Variants in NATD1 observed in about 807,000 individuals in gnomAD.
The protein encoded by NATD1 is protein NATD1.
Under a neutral mutation model 12.0 loss-of-function variants are expected in NATD1, and 9 were observed. The ratio of observed to expected loss-of-function variants is 0.75; its 90% confidence interval spans 0.45 to 1.30. The LOEUF (loss-of-function observed/expected upper bound fraction) is 1.30, where lower values mean the gene tolerates loss of function less well. Among genes scored for constraint, NATD1 ranks in the 50% most tolerant of loss-of-function variants. NATD1 has a pLI of 0.00. For missense variants in NATD1, 148 were observed against 148.5 expected, an observed-to-expected ratio of 1.00 and a Z score of 0.02; for synonymous variants, 71 against 65.9, an observed-to-expected ratio of 1.08 and a Z score of -0.37.
chr17:21,250,752 A>G (rs912342518), intron 1 of NATD1, among the ~76,000 whole-genome samples: 3 of 152,342 alleles, frequency 2.0e-5, no homozygotes, highest in South Asian at 2.1e-4. Context: ...CTTAATAAAC[A>G]AAGGTGCTCA....
rs1053953979 is a variant in NATD1 at position 21,242,557 on chromosome 17, G to C, written c.*756C>G. On this transcript the variant is annotated 3_prime_UTR_variant, in exon 3 of 3. Transcript: ENST00000611551. ...TCTCCTCCTGGCAGACAGGGGTATA[G>C]GGGATAGCAGCCCATGGGGATGGGG... is the stretch of plus-strand genomic sequence containing the variant. 1.3e-5 allele frequency: 2 copies of C among 152,320 alleles called. No homozygotes were observed. Among genetic ancestry groups the C allele is most frequent in the Non-Finnish European group, 1.5e-5 (1 of 68,122 alleles). 9.4% of individuals were successfully genotyped at this position (152,320 alleles called of 1,614,324 possible).
intron 2 of NATD1, among the ~76,000 whole-genome samples, chr17:21,243,702 TGGA>T (rs1432875561): frequency 2.7e-5 from 4 of 150,622 alleles, no homozygotes; most frequent in African/African-American, 9.8e-5. Flanking sequence ...GGGGTGGGGG[TGGA>T]GGAGGGGAAG....
chr17:21,251,829 CGCAA>C (rs1363116774), intron 1 of NATD1, among the ~76,000 whole-genome samples: 1 of 152,220 alleles, frequency 6.6e-6, no homozygotes, highest in Admixed American at 6.5e-5. Context: ...CCTGACCTCT[CGCAA>C]GCCTTTCCCT....
intron 1 of NATD1, among the ~76,000 whole-genome samples, chr17:21,248,682 G>A (rs1259362909): frequency 2.0e-5 from 3 of 152,180 alleles, no homozygotes; most frequent in East Asian, 1.9e-4. Context: ...CATAGCCTCT[G>A]GGCCTGGCCC....
chr17:21,245,731 C>T (rs1567645341), intron 1 of NATD1, among the ~76,000 whole-genome samples: 2 of 152,190 alleles, frequency 1.3e-5, no homozygotes, highest in Non-Finnish European at 2.9e-5. Flanking sequence ...CACCCGCCAT[C>T]GCCTAGGCAC....
In NATD1 at chr17:21,247,603, G is replaced by A. The variant is rs1481368828; in HGVS notation, c.107-3379C>T. Among the ~76,000 whole-genome samples the A allele has an allele frequency of 4.6e-5, 7 of 152,188 alleles. No homozygotes were observed. The South Asian group carries it at 6.2e-4, about 14-fold the overall frequency. On this transcript the variant is annotated intron_variant, in intron 1 of 2. Coordinates refer to ENST00000611551, the MANE Select transcript of NATD1 (RefSeq NM_152914.3). Reference sequence around the variant, plus strand: ...CAGTTCTCTGGGGCAGAGAGGTGTCGGGACTGGGGTAAGATCACCTGGCAG... The same window carrying A: ...CAGTTCTCTGGGGCAGAGAGGTGTCAGGACTGGGGTAAGATCACCTGGCAG...
Position 21,239,351 on chromosome 17 carries a change from C to A in NATD1, c.*3962G>T. The stretch of plus-strand genomic sequence containing the variant: ...TCATATCACACAAGCTTGATGCCAC[C>A]AAGAGGACGGGAGCTGGGCTGGGTC... On this transcript the variant is annotated 3_prime_UTR_variant, in exon 3 of 3. Transcript: ENST00000611551. 1 of 152,386 alleles carries A rather than the reference C, an allele frequency of 6.6e-6. No homozygotes were observed. Among genetic ancestry groups the A allele is most frequent in the Admixed American group, 6.5e-5 (1 of 15,302 alleles). The allele number at this position is 152,386 out of a possible 1,614,324, so 9.4% of individuals were successfully genotyped here. A position where few individuals can be genotyped will look rare whatever the true frequency, so the allele number is the denominator to read the frequency against.
chr17:21,245,888 C>T (rs1975320790), intron 1 of NATD1, among the ~76,000 whole-genome samples: 1 of 152,190 alleles, frequency 6.6e-6, no homozygotes, highest in South Asian at 2.1e-4. Context: ...GTGGACTATG[C>T]CTGCCACCCT....
chr17:21,250,192 G>A (rs919781611), intron 1 of NATD1, among the ~76,000 whole-genome samples: 2 of 152,224 alleles, frequency 1.3e-5, no homozygotes, highest in South Asian at 2.1e-4. Flanking sequence ...TGCACCACCT[G>A]CTCCCCATGA....
rs959286334 is a variant in NATD1, at chr17:21,238,957, G to A, written c.*4356C>T. 4 of 152,294 alleles carry A rather than the reference G, an allele frequency of 2.6e-5. No individual in the cohort carries two copies. In the East Asian group the frequency reaches 5.8e-4, roughly 22 times the overall value. 9.4% of individuals were successfully genotyped at this position (152,294 alleles called of 1,614,324 possible). A position where few individuals can be genotyped will look rare whatever the true frequency, so the allele number is the denominator to read the frequency against. On this transcript the variant is annotated 3_prime_UTR_variant, in exon 3 of 3. Transcript: ENST00000611551. ...CATAACCCTAAATTTGATTCTGCAG[G>A]TTGCAGTTACAACACAAGTTGAAGT...
intron 1 of NATD1, among the ~76,000 whole-genome samples, chr17:21,250,961 G>A (rs925583744): frequency 2.6e-5 from 4 of 152,174 alleles, no homozygotes; most frequent in African/African-American, 9.7e-5. Context: ...ACCACAGCCT[G>A]TTGTCCTCCT....
At chr17:21,247,702 C>A (rs1185405376) in intron 1 of NATD1, among the ~76,000 whole-genome samples, 1 of 152,216 alleles carries the variant, frequency 6.6e-6, no homozygotes, top group Non-Finnish European at 1.5e-5. Flanking sequence ...AAGTCCTGCC[C>A]CCCTGTGCTA....
intron 1 of NATD1, among the ~76,000 whole-genome samples, chr17:21,250,722 C>A (rs1036780812): frequency 3.3e-5 from 5 of 152,172 alleles, no homozygotes; most frequent in Admixed American, 6.5e-5. Flanking sequence ...TGCCCAGGGC[C>A]TCCTAGAACA....
At chr17:21,252,581 C>A (rs1049252319) in intron 1 of NATD1, among the ~76,000 whole-genome samples, 4 of 152,154 alleles carry the variant, frequency 2.6e-5, no homozygotes, top group African/African-American at 9.6e-5. Context: ...TAGCCATCCC[C>A]CCGCCCCTCA....
At chr17:21,243,789 C>G (rs1363862952) in intron 2 of NATD1, among the ~76,000 whole-genome samples, 1 of 152,174 alleles carries the variant, frequency 6.6e-6, no homozygotes, top group Non-Finnish European at 1.5e-5. Flanking sequence ...CTGGCTGTAA[C>G]TCCCTTCATT....
intron 1 of NATD1, among the ~76,000 whole-genome samples, chr17:21,246,723 G>GA: frequency 6.6e-6 from 1 of 151,220 alleles, no homozygotes; most frequent in African/African-American, 2.4e-5. Context: ...CCACACAGGT[G>GA]ATAAGCTGAC....
At chr17:21,251,529 G>A (rs968550723) in intron 1 of NATD1, among the ~76,000 whole-genome samples, 1 of 152,160 alleles carries the variant, frequency 6.6e-6, no homozygotes, top group African/African-American at 2.4e-5. Context: ...AGGGTTGGTT[G>A]GGCCAATGGT....
intron 1 of NATD1, among the ~76,000 whole-genome samples, chr17:21,245,113 T>TGAA (rs755505122): frequency 1.8e-4 from 28 of 151,976 alleles, no homozygotes; most frequent in Non-Finnish European, 3.5e-4. Context: ...TGGGGGCAGG[T>TGAA]GAAGACAGGA....
chr17:21,240,486 G>T lies in NATD1; in HGVS notation c.*2827C>A, dbSNP rs983251232. 11 of 152,666 alleles carry T rather than the reference G, an allele frequency of 7.2e-5. No individual in the cohort carries two copies. Among genetic ancestry groups the T allele is most frequent in the African/African-American group, 2.4e-4 (10 of 41,468 alleles). The allele number at this position is 152,666 out of a possible 1,614,324, so 9.5% of individuals were successfully genotyped here. On this transcript the variant is annotated 3_prime_UTR_variant, in exon 3 of 3. Coordinates refer to ENST00000611551, the MANE Select transcript of NATD1 (RefSeq NM_152914.3). ...GCCAGGCCACACCTTTTATGGAAAT[G>T]TTCCTCTGAGACCTGTTGATGAGCT...
Sources: gnomAD v4.1 joint callset for allele counts (sites outside exome capture counted in the v4.1 genomes callset) on GRCh38, gnomAD v4.1.1 for gene constraint, MANE v1.5 for transcripts, NCBI Gene and HGNC (gene_info 2026-07-23, HGNC 2026-07-21) for gene names.